The following CNNM4 variants were observed in gnomAD, a reference collection of about 807,000 sequenced individuals.
CNNM4 encodes cyclin and CBS domain divalent metal cation transport mediator 4.
Under a neutral mutation model 53.7 loss-of-function variants are expected in CNNM4, and 32 were observed. The observed-to-expected ratio is 0.60, with a 90% CI of 0.45 to 0.80. The LOEUF is 0.80. Among genes scored for constraint, CNNM4 ranks in the 30% least tolerant of loss-of-function variants. The probability of loss-of-function intolerance (pLI) is 0.00; values close to 1 mark genes in which losing one functional copy is unlikely to be tolerated. For missense variants in CNNM4, 784 were observed against 1,022.0 expected, an observed-to-expected ratio of 0.77 and a Z score of 3.17; for synonymous variants, 410 against 440.0, an observed-to-expected ratio of 0.93 and a Z score of 0.85.
intron 1 of CNNM4, among the ~76,000 whole-genome samples, chr2:96,776,531 C>A (rs1192136161): frequency 6.6e-6 from 1 of 152,084 alleles, no homozygotes; most frequent in Non-Finnish European, 1.5e-5. Context: ...TAATGTTAAC[C>A]ATTATCACCT....
intron 1 of CNNM4, among the ~76,000 whole-genome samples, chr2:96,765,031 T>A (rs1161526948): frequency 1.1e-5 from 1 of 88,482 alleles, no homozygotes; most frequent in African/African-American, 8.3e-5. Context: ...ATGGTTTTTT[T>A]TTTTTTTTTT....
intron 3 of CNNM4, among the ~76,000 whole-genome samples, chr2:96,798,723 T>G (rs1347160800): frequency 6.6e-6 from 1 of 152,198 alleles, no homozygotes; most frequent in African/African-American, 2.4e-5. Context: ...CCATGTGCTA[T>G]CCCATTCACC....
rs2078757821 is a variant in CNNM4 at position 96,761,209 on chromosome 2, G to GGGCAGCACCGT, written c.212_222dup (p.Asn75AlafsTer4). ...CGGATGGCATCATCTTCGTGTCCGA[G>GGGCAGCACCGT]GGCAGCACCGTGAACCTGAGGCTGT... is the stretch of plus-strand genomic sequence containing the variant. On this transcript the variant is annotated frameshift_variant, in exon 1 of 7. Coordinates refer to ENST00000377075, the MANE Select transcript of CNNM4 (RefSeq NM_020184.4). LOFTEE classifies it high-confidence loss of function. This position sits in a 1 kb window ranked among gnomAD's most constrained non-coding sequence, Gnocchi z 6.0. The GGGCAGCACCGT allele has an allele frequency of 6.2e-7, 1 of 1,614,034 alleles. No individual in the cohort carries two copies. Among genetic ancestry groups the GGGCAGCACCGT allele is most frequent in the Non-Finnish European group, 8.5e-7 (1 of 1,180,008 alleles).
Position 96,801,229 on chromosome 2 carries a change from C to A in CNNM4, c.1948+1581C>A. 2 of 678,670 alleles carry A rather than the reference C, an allele frequency of 2.9e-6. No homozygotes were observed. The highest frequency in any genetic ancestry group is 3.6e-6 in the Non-Finnish European group (2 of 549,646). 42.0% of individuals were successfully genotyped at this position (678,670 alleles called of 1,614,324 possible). A position where few individuals can be genotyped will look rare whatever the true frequency, so the allele number is the denominator to read the frequency against. On this transcript the variant is annotated intron_variant, in intron 5 of 6. Transcript: ENST00000377075. This position sits in a 1 kb window ranked among gnomAD's most constrained non-coding sequence, Gnocchi z 5.6. ...CTCCCCACATGGACCCGGACCCCCG[C>A]CTGCTCAATGTGGGCCGCCAGACCT...
intron 5 of CNNM4, among the ~76,000 whole-genome samples, chr2:96,805,268 G>T (rs535953239): frequency 2.0e-5 from 3 of 151,826 alleles, no homozygotes; most frequent in Non-Finnish European, 4.4e-5. Context: ...TCATAGAATG[G>T]CCAGTTTCCT....
chr2:96,763,033 T>C (rs950872964), intron 1 of CNNM4, among the ~76,000 whole-genome samples: 1 of 152,064 alleles, frequency 6.6e-6, no homozygotes, highest in Non-Finnish European at 1.5e-5. Flanking sequence ...AGGGGAGTCA[T>C]GTTACTGGAG....
At chr2:96,780,245 C>T (rs187105049) in intron 1 of CNNM4, among the ~76,000 whole-genome samples, 8 of 152,142 alleles carry the variant, frequency 5.3e-5, no homozygotes, top group African/African-American at 1.4e-4. Context: ...ATTTGGTGAT[C>T]ATAAATGAGG....
Position 96,800,803 on chromosome 2 carries a change from C to T in CNNM4, c.1948+1155C>T, listed in dbSNP as rs1430610819. ...GCCCGGTTAGGGCCCAGGCTCTGTC[C>T]GTTGACCCATAGTCTCTCTGTTCCC... On this transcript the variant is annotated intron_variant, in intron 5 of 6. Transcript: ENST00000377075. The surrounding 1 kb of genome is among the most constrained non-coding windows in gnomAD (Gnocchi z 4.6). 2.6e-5 allele frequency among the ~76,000 whole-genome samples: 4 copies of T among 152,318 alleles called. No homozygotes were observed. Among genetic ancestry groups the T allele is most frequent in the South Asian group, 2.1e-4 (1 of 4,826 alleles).
intron 1 of CNNM4, among the ~76,000 whole-genome samples, chr2:96,781,719 T>C (rs1298460269): frequency 2.0e-5 from 3 of 152,162 alleles, no homozygotes; most frequent in Non-Finnish European, 4.4e-5. Context: ...CACCACAGGA[T>C]TGAACCCAAT....
rs965765930 is a variant in CNNM4 at position 96,801,963 on chromosome 2, G to A, written c.1948+2315G>A. 2.1e-5 allele frequency among the ~76,000 whole-genome samples: 3 copies of A among 145,066 alleles called. No individual in the cohort carries two copies. The highest frequency in any genetic ancestry group is 7.7e-5 in the African/African-American group (3 of 39,016). On this transcript the variant is annotated intron_variant, in intron 5 of 6. Transcript: ENST00000377075. The surrounding 1 kb of genome is among the most constrained non-coding windows in gnomAD (Gnocchi z 5.6). ...CACACCCATAGGCACACACCCATAGGCACACACACAAAGAGACACACACAG... is the reference window on the plus strand; with the variant it reads ...CACACCCATAGGCACACACCCATAGACACACACACAAAGAGACACACACAG...
chr2:96,793,546 C>A (rs1216145298), intron 1 of CNNM4, among the ~76,000 whole-genome samples: 3 of 152,202 alleles, frequency 2.0e-5, no homozygotes, highest in Non-Finnish European at 2.9e-5. Flanking sequence ...CCCGAGGGTG[C>A]ACACACACAG....
rs139005295 is a variant in CNNM4 at position 96,797,846 on chromosome 2, C to T, written c.1681+199C>T. Among the ~76,000 whole-genome samples, 53 of 152,272 alleles carry T rather than the reference C, an allele frequency of 3.5e-4. No individual in the cohort carries two copies. The highest frequency in any genetic ancestry group is 1.1e-3 in the African/African-American group (44 of 41,560). On this transcript the variant is annotated intron_variant, in intron 3 of 6. Transcript: ENST00000377075. This position sits in a 1 kb window ranked among gnomAD's most constrained non-coding sequence, Gnocchi z 6.0. ...CTGCGATTCATTTGCCATTAATGGG[C>T]GGCTACTGCAAACTTCTAGGAAGCA...
At chr2:96,791,682 A>T (rs1451194588) in intron 1 of CNNM4, among the ~76,000 whole-genome samples, 2 of 152,116 alleles carry the variant, frequency 1.3e-5, no homozygotes, top group African/African-American at 2.4e-5. Context: ...TCAATGAAAA[A>T]TGACTGAGGA....
chr2:96,799,223 G>T lies in CNNM4; in HGVS notation c.1848G>T (p.Leu616=). 6.2e-7 allele frequency: 1 copy of T among 1,614,166 alleles called. No homozygotes were observed. The highest frequency in any genetic ancestry group is 1.1e-5 in the South Asian group (1 of 91,086). The change falls in exon 4 of 7, where the codon CTG becomes CTT. Residue 616 remains leucine, a synonymous_variant. Coordinates refer to ENST00000377075, the MANE Select transcript of CNNM4 (RefSeq NM_020184.4). ...CGGCCGACTACTTCATCCTCATCCT[G>T]CAGGTGAGCCCGCTCAGCCCTGGGC... The part of the protein sequence containing the change: ...NKPADYFILI[L]QGKVEVEAGK...
Position 96,800,044 on chromosome 2 carries a change from A to G in CNNM4, c.1948+396A>G, listed in dbSNP as rs1015802586. The stretch of plus-strand genomic sequence containing the variant: ...AGTGACTGGGGTCAGGAGCCAGGCC[A>G]GGGCCTGTTTGCCAGGGCAGGCTGC... On this transcript the variant is annotated intron_variant, in intron 5 of 6. Coordinates refer to ENST00000377075, the MANE Select transcript of CNNM4 (RefSeq NM_020184.4). The surrounding 1 kb of genome is among the most constrained non-coding windows in gnomAD (Gnocchi z 4.6). 6.6e-6 allele frequency among the ~76,000 whole-genome samples: 1 copy of G among 152,160 alleles called. No homozygotes were observed.
At chr2:96,778,861 C>A (rs2078948862) in intron 1 of CNNM4, among the ~76,000 whole-genome samples, 2 of 152,272 alleles carry the variant, frequency 1.3e-5, no homozygotes, top group South Asian at 2.1e-4. Context: ...TTGACAAAAA[C>A]CATATATATT....
intron 1 of CNNM4, among the ~76,000 whole-genome samples, chr2:96,772,420 TCA>T (rs1343835541): frequency 9.2e-6 from 1 of 108,572 alleles, no homozygotes; most frequent in East Asian, 2.9e-4. Flanking sequence ...AGGCAGGCGC[TCA>T]CACACACATG....
In CNNM4 at chr2:96,799,198, C is replaced by T. The variant is rs776513564; in HGVS notation, c.1823C>T (p.Pro608Leu). 27 of 1,614,076 alleles carry T rather than the reference C, an allele frequency of 1.7e-5. No individual in the cohort carries two copies. Among genetic ancestry groups the T allele is most frequent in the Admixed American group, 6.7e-5 (4 of 60,008 alleles). Residue 608 changes from proline (P) to leucine (L), a missense_variant, in exon 4 of 7, where the codon CCG becomes CTG. Pro to Leu is a moderately conservative substitution (Grantham distance 98). This residue lies in a region of CNNM4 where 307 missense variants were observed against 376.3 expected (regional missense o/e 0.82). Transcript: ENST00000377075. ...ARHYLYTRNK[P>L]ADYFILILQG... ...CATTACCTGTACACCCGAAATAAGC[C>T]GGCCGACTACTTCATCCTCATCCTG... is the stretch of plus-strand genomic sequence containing the variant.
chr2:96,802,999 A>G (rs1247340971), intron 5 of CNNM4, among the ~76,000 whole-genome samples: 4 of 152,090 alleles, frequency 2.6e-5, no homozygotes, highest in Non-Finnish European at 5.9e-5. Flanking sequence ...AAAACCCGTC[A>G]CCTCAGCCCG....
Sources: gnomAD v4.1 joint callset for allele counts (sites outside exome capture counted in the v4.1 genomes callset) on GRCh38, gnomAD v4.1.1 for gene constraint, gnomAD v4.1.1 regional missense constraint, Gnocchi (gnomAD v3.1) non-coding constraint, MANE v1.5 for transcripts, NCBI Gene and HGNC (gene_info 2026-07-23, HGNC 2026-07-21) for gene names.